Variants in PALLD observed in about 807,000 individuals in gnomAD.
The protein encoded by PALLD is palladin.
Under a neutral mutation model 123.5 loss-of-function variants are expected in PALLD, and 61 were observed. The observed-to-expected ratio is 0.49, with a 90% CI of 0.40 to 0.61. The LOEUF (loss-of-function observed/expected upper bound fraction) is 0.61, where lower values mean the gene tolerates loss of function less well. Ranked by LOEUF, PALLD falls within the 20% of genes least tolerant of loss-of-function variation. The probability of loss-of-function intolerance (pLI) is 0.00; values close to 1 mark genes in which losing one functional copy is unlikely to be tolerated. For synonymous variants in PALLD, 465 were observed against 496.4 expected (o/e 0.94, Z 0.84); for missense variants, 1,273 against 1,377.0 (o/e 0.92, Z 1.20).
intron 2 of PALLD, among the ~76,000 whole-genome samples, chr4:168,617,435 T>C (rs888597872): frequency 3.9e-5 from 6 of 152,154 alleles, no homozygotes; most frequent in African/African-American, 7.2e-5. Context: ...GGATGAGATA[T>C]GGAGATGGGT....
chr4:168,705,886 G>A (rs950374711), intron 8 of PALLD, among the ~76,000 whole-genome samples: 2 of 152,014 alleles, frequency 1.3e-5, no homozygotes, highest in African/African-American at 2.4e-5. Flanking sequence ...CAAGTGATCC[G>A]CCTGCCTCGG....
chr4:168,600,146 T>G (rs148070396), intron 2 of PALLD, among the ~76,000 whole-genome samples: 13 of 150,654 alleles, frequency 8.6e-5, no homozygotes, highest in Non-Finnish European at 1.8e-4. Context: ...TATATACATA[T>G]ACACTATATA....
intron 10 of PALLD, among the ~76,000 whole-genome samples, chr4:168,830,751 A>G (rs1002791084): frequency 7.2e-5 from 11 of 152,230 alleles, no homozygotes; most frequent in Admixed American, 7.2e-4. Flanking sequence ...AAAAGTCAAT[A>G]AAGATATTTC....
rs1351750406 is a variant in PALLD, at chr4:168,625,506, T to TAGATAGATAG, written c.909-42683_909-42682insGATAGATAGA. On this transcript the variant is annotated intron_variant, in intron 2 of 21. Coordinates refer to ENST00000505667, the MANE Select transcript of PALLD (RefSeq NM_001166108.2). The stretch of plus-strand genomic sequence containing the variant: ...ATAAGGGATTAATATCCAGGAGATA[T>TAGATAGATAG]ATATATATATATCCTATAAGGGGTT... 5.9e-4 allele frequency among the ~76,000 whole-genome samples: 51 copies of TAGATAGATAG among 86,116 alleles called. 1 individual carries two copies. Among genetic ancestry groups the TAGATAGATAG allele is most frequent in the Non-Finnish European group, 1.0e-3 (42 of 41,936 alleles). The allele number at this position is 86,116 out of a possible 152,430, so 56.5% of individuals were successfully genotyped here.
chr4:168,527,376 C>T (rs1403356208), intron 2 of PALLD, among the ~76,000 whole-genome samples: 2 of 141,436 alleles, frequency 1.4e-5, no homozygotes, highest in African/African-American at 2.7e-5. Context: ...GAGCTGAGAT[C>T]GCGCCATTGC....
chr4:168,824,046 A>G (rs1029960815), intron 10 of PALLD, among the ~76,000 whole-genome samples: 6 of 152,254 alleles, frequency 3.9e-5, no homozygotes, highest in Non-Finnish European at 8.8e-5. Flanking sequence ...CTATAAGCTA[A>G]TGAACAAAAT....
intron 10 of PALLD, among the ~76,000 whole-genome samples, chr4:168,803,873 G>A (rs1455436540): frequency 1.3e-5 from 2 of 152,138 alleles, no homozygotes; most frequent in African/African-American, 4.8e-5. Context: ...TGTGTTGTCA[G>A]CAGAAGCTAA....
chr4:168,676,744 T>C (rs1780882704), intron 3 of PALLD, among the ~76,000 whole-genome samples: 1 of 151,408 alleles, frequency 6.6e-6, no homozygotes, highest in African/African-American at 2.4e-5. Flanking sequence ...ATCTAATTTT[T>C]TTTTTTTTGT....
chr4:168,531,894 T>C (rs907029650), intron 2 of PALLD, among the ~76,000 whole-genome samples: 4 of 152,004 alleles, frequency 2.6e-5, no homozygotes, highest in South Asian at 2.1e-4. Context: ...AAAGCCCTCC[T>C]TTTTTTTCTT....
chr4:168,774,435 T>C lies in PALLD; in HGVS notation c.1964+62512T>C, dbSNP rs115361986. 6.1e-3 allele frequency among the ~76,000 whole-genome samples: 922 copies of C among 152,238 alleles called. 4 individuals are homozygous for C. The highest frequency in any genetic ancestry group is 0.027 in the Middle Eastern group (8 of 292). Reference sequence around the variant, plus strand: ...CTTGGAAGCATTATCACAATTAAGATAGCAAATACTGGCTGAGTGCGGTGG... The same window carrying C: ...CTTGGAAGCATTATCACAATTAAGACAGCAAATACTGGCTGAGTGCGGTGG... On this transcript the variant is annotated intron_variant, in intron 10 of 21. Coordinates refer to ENST00000505667, the MANE Select transcript of PALLD (RefSeq NM_001166108.2).
chr4:168,625,114 T>C (rs544132542), intron 2 of PALLD, among the ~76,000 whole-genome samples: 1 of 152,190 alleles, frequency 6.6e-6, no homozygotes, highest in South Asian at 2.1e-4. Flanking sequence ...TGAGAAACGA[T>C]ATTAAATGTA....
intron 1 of PALLD, among the ~76,000 whole-genome samples, chr4:168,505,792 G>A (rs1006103454): frequency 1.3e-5 from 2 of 152,192 alleles, no homozygotes; most frequent in Admixed American, 6.5e-5. Flanking sequence ...ATCAATCATC[G>A]TGATCATTAA....
chr4:168,672,616 G>A (rs909966156), intron 3 of PALLD, among the ~76,000 whole-genome samples: 8 of 151,920 alleles, frequency 5.3e-5, no homozygotes, highest in Admixed American at 3.3e-4. Context: ...CTGCCACCAC[G>A]CCCGTCTAAT....
intron 2 of PALLD, among the ~76,000 whole-genome samples, chr4:168,568,709 T>C (rs992556880): frequency 2.6e-5 from 4 of 151,730 alleles, no homozygotes; most frequent in African/African-American, 9.7e-5. Context: ...AAATTTTTCC[T>C]AAAATAACTT....
chr4:168,735,392 T>C (rs72984664), intron 10 of PALLD, among the ~76,000 whole-genome samples: 7,435 of 152,280 alleles, frequency 0.049, 574 homozygotes, highest in East Asian at 0.32. Context: ...CGTCCTTCAC[T>C]TTCCTGAGAG....
chr4:168,799,448 G>C (rs1249692793), intron 10 of PALLD, among the ~76,000 whole-genome samples: 2 of 152,174 alleles, frequency 1.3e-5, no homozygotes, highest in African/African-American at 4.8e-5. Context: ...AATTCTTTAA[G>C]TCGTACTGTT....
chr4:168,507,014 G>A (rs181522808), intron 1 of PALLD, among the ~76,000 whole-genome samples: 10 of 152,076 alleles, frequency 6.6e-5, no homozygotes, highest in African/African-American at 2.4e-4. Flanking sequence ...GTCTTAAAGT[G>A]CCACCCATAG....
At chr4:168,878,685 G>GGGC (rs1355677174) in intron 10 of PALLD, among the ~76,000 whole-genome samples, 1 of 148,690 alleles carries the variant, frequency 6.7e-6, no homozygotes, top group East Asian at 2.0e-4. Flanking sequence ...ATCATTATGG[G>GGGC]GGGGGGGGTG....
intron 10 of PALLD, among the ~76,000 whole-genome samples, chr4:168,714,349 A>G (rs980746928): frequency 6.6e-6 from 1 of 151,982 alleles, no homozygotes; most frequent in Non-Finnish European, 1.5e-5. Context: ...TTGCTTCCCC[A>G]TTTCCACCCC....
Sources: allele counts gnomAD v4.1 joint callset (sites outside exome capture counted in the v4.1 genomes callset), GRCh38; gene constraint gnomAD v4.1.1; transcripts MANE v1.5; gene names NCBI Gene and HGNC (gene_info 2026-07-23, HGNC 2026-07-21).